The following UBE2F variants were observed in gnomAD, a reference collection of about 807,000 sequenced individuals.
UBE2F encodes NEDD8-conjugating enzyme UBE2F.
Under a neutral mutation model 29.6 loss-of-function variants are expected in UBE2F, and 5 were observed. That is an observed-to-expected ratio of 0.17 (90% CI 0.09 to 0.36). The LOEUF (loss-of-function observed/expected upper bound fraction) is 0.36, where lower values mean the gene tolerates loss of function less well. UBE2F is among the 10% of genes least tolerant of loss of function. UBE2F has a pLI of 1.00. For synonymous variants in UBE2F, 66 were observed against 81.8 expected, an observed-to-expected ratio of 0.81 and a Z score of 1.04; for missense variants, 141 against 228.5, an observed-to-expected ratio of 0.62 and a Z score of 2.47.
intron 2 of UBE2F, among the ~76,000 whole-genome samples, chr2:237,979,691 C>T (rs529855410): frequency 4.6e-5 from 7 of 152,308 alleles, no homozygotes; most frequent in African/African-American, 1.4e-4. Context: ...GTGGAGCTGC[C>T]CCGGGAAACT....
intron 4 of UBE2F, among the ~76,000 whole-genome samples, chr2:237,997,272 A>G (rs942479043): frequency 6.6e-6 from 1 of 152,178 alleles, no homozygotes; most frequent in Non-Finnish European, 1.5e-5. Context: ...GTACCTGTAA[A>G]TACTTAATGC....
At chr2:238,020,106 G>A (rs998837713) in intron 5 of UBE2F, among the ~76,000 whole-genome samples, 2 of 152,196 alleles carry the variant, frequency 1.3e-5, no homozygotes, top group Admixed American at 6.5e-5. Context: ...GAACACAAAA[G>A]TAGTTGCATT....
chr2:238,041,246 C>CA (rs1559233092), intron 9 of UBE2F, 42 bp from the exon 10 acceptor site: 3 of 1,596,782 alleles, frequency 1.9e-6, no homozygotes, highest in South Asian at 2.2e-5. Flanking sequence ...CTCACTCACT[C>CA]CTCCTGTTCT....
intron 4 of UBE2F, chr2:238,003,358 TC>T (rs2063837464): frequency 2.1e-6 from 1 of 470,934 alleles, no homozygotes. Context: ...CTCTCCTTGC[TC>T]CTTCCAAGAA....
chr2:237,973,208 A>C lies in UBE2F; in HGVS notation c.101A>C (p.Asp34Ala), dbSNP rs763864572. Reference protein sequence around the residue: ...SDSTRRVSVRDKLLVKEVAEL... With the variant: ...SDSTRRVSVRAKLLVKEVAEL... ...TCGACTCGGAGGGTTTCTGTGAGAGACAAATTGCTTGTTAAAGGTAATGAT... is the reference window on the plus strand; with the variant it reads ...TCGACTCGGAGGGTTTCTGTGAGAGCCAAATTGCTTGTTAAAGGTAATGAT... Residue 34 changes from aspartate to alanine, a missense_variant, in exon 2 of 10, where the codon GAC becomes GCC. Coordinates refer to ENST00000272930, the MANE Select transcript of UBE2F (RefSeq NM_080678.3). The C allele has an allele frequency of 6.2e-7, 1 of 1,613,758 alleles. No individual in the cohort carries two copies. Among genetic ancestry groups the C allele is most frequent in the Non-Finnish European group, 8.5e-7 (1 of 1,179,638 alleles).
At chr2:238,038,829 G>T (rs2064776814) in intron 9 of UBE2F, among the ~76,000 whole-genome samples, 1 of 152,240 alleles carries the variant, frequency 6.6e-6, no homozygotes, top group Non-Finnish European at 1.5e-5. Context: ...CACTTATTTG[G>T]CTGGTGACCA....
intron 3 of UBE2F, 88 bp from the exon 4 acceptor site, chr2:237,994,656 G>A (rs1035104917): frequency 1.2e-5 from 13 of 1,042,696 alleles, no homozygotes; most frequent in African/African-American, 7.8e-5. Context: ...CTGTAGCACC[G>A]CTAACTTTAC....
At chr2:237,979,800 AAAGT>A (rs2063346247) in intron 2 of UBE2F, among the ~76,000 whole-genome samples, 1 of 152,182 alleles carries the variant, frequency 6.6e-6, no homozygotes, top group Admixed American at 6.5e-5. Flanking sequence ...ATTTGTGTTC[AAAGT>A]AAGTGGTAGG....
intron 4 of UBE2F, among the ~76,000 whole-genome samples, chr2:238,009,384 C>T (rs1375429362): frequency 1.3e-5 from 2 of 152,190 alleles, no homozygotes; most frequent in Non-Finnish European, 2.9e-5. Context: ...ATTACTTCTA[C>T]GTGTAAATTA....
intron 3 of UBE2F, among the ~76,000 whole-genome samples, chr2:237,992,549 C>A (rs4663820): frequency 0.42 from 63,610 of 152,094 alleles, 13,571 homozygotes; most frequent in East Asian, 0.71. Flanking sequence ...GGAAAGGAAA[C>A]CCCACTATCA....
intron 2 of UBE2F, among the ~76,000 whole-genome samples, chr2:237,984,523 C>T (rs1399574747): frequency 6.6e-6 from 1 of 152,174 alleles, no homozygotes; most frequent in Non-Finnish European, 1.5e-5. Context: ...TCCCCTAACT[C>T]TGCAGGACTA....
At chr2:238,035,337 C>T (rs1356213739) in intron 8 of UBE2F, 2 of 155,252 alleles carry the variant, frequency 1.3e-5, no homozygotes, top group Non-Finnish European at 1.4e-5. Context: ...GGCTCCCTCT[C>T]CTGAGTCGGG....
intron 1 of UBE2F, chr2:237,968,649 AC>A (rs1460709094): frequency 6.5e-6 from 1 of 154,234 alleles, no homozygotes; most frequent in East Asian, 1.9e-4. Flanking sequence ...AGTAAATATC[AC>A]TTGATGGCAC....
rs536933923 is a variant in UBE2F, at chr2:237,968,798, C to T, written c.-17+1666C>T. ...CTGTTCAGAACAGCTGATCTGTTAC[C>T]GAAATGCTGCCTTAGAGCGTAATTT... On this transcript the variant is annotated intron_variant, in intron 1 of 9. Coordinates refer to ENST00000272930, the MANE Select transcript of UBE2F (RefSeq NM_080678.3). The T allele has an allele frequency of 4.1e-6, 4 of 977,678 alleles. No individual in the cohort carries two copies. In the South Asian group the frequency reaches 1.9e-4, roughly 46 times the overall value. 60.6% of individuals were successfully genotyped at this position (977,678 alleles called of 1,614,324 possible).
At chr2:238,002,220 A>G (rs1048099275) in intron 4 of UBE2F, among the ~76,000 whole-genome samples, 3 of 107,646 alleles carry the variant, frequency 2.8e-5, no homozygotes, top group Non-Finnish European at 3.8e-5. Flanking sequence ...ATGCGCCACC[A>G]CACCCAGATA....
intron 4 of UBE2F, among the ~76,000 whole-genome samples, chr2:238,000,555 G>A (rs1576611526): frequency 1.3e-5 from 2 of 152,134 alleles, no homozygotes; most frequent in Admixed American, 6.5e-5. Context: ...TTATTTACCC[G>A]TTGACCAGTG....
At chr2:237,985,086 G>C (rs1268126200) in intron 2 of UBE2F, among the ~76,000 whole-genome samples, 2 of 151,884 alleles carry the variant, frequency 1.3e-5, no homozygotes, top group African/African-American at 4.8e-5. Flanking sequence ...CTCCTGCCTC[G>C]GCCTCCCAAA....
Position 237,967,759 on chromosome 2 carries a change from A to G in UBE2F, c.-17+627A>G, listed in dbSNP as rs2063088674. On this transcript the variant is annotated intron_variant, in intron 1 of 9. Coordinates refer to ENST00000272930, the MANE Select transcript of UBE2F (RefSeq NM_080678.3). This position sits in a 1 kb window ranked among gnomAD's most constrained non-coding sequence, Gnocchi z 6.3. ...GTTTGGAAAATTTTTACCACAGCAAAGGAGACGAGGAAGGAAGGGCATCTT... is the reference window on the plus strand; with the variant it reads ...GTTTGGAAAATTTTTACCACAGCAAGGGAGACGAGGAAGGAAGGGCATCTT... Among the ~76,000 whole-genome samples, 1 of 152,228 alleles carries G rather than the reference A, an allele frequency of 6.6e-6. No homozygotes were observed. The highest frequency in any genetic ancestry group is 6.5e-5 in the Admixed American group (1 of 15,286).
chr2:237,991,208 G>C (rs1365196975), intron 3 of UBE2F, among the ~76,000 whole-genome samples: 1 of 152,082 alleles, frequency 6.6e-6, no homozygotes, highest in Non-Finnish European at 1.5e-5. Flanking sequence ...AATCGAAGAG[G>C]GGGAAATTAT....
Sources: allele counts gnomAD v4.1 joint callset (sites outside exome capture counted in the v4.1 genomes callset), GRCh38; gene constraint gnomAD v4.1.1; non-coding constraint Gnocchi (gnomAD v3.1); transcripts MANE v1.5; gene names NCBI Gene and HGNC (gene_info 2026-07-23, HGNC 2026-07-21).